The following SLC35F4 variants were observed in gnomAD, a reference collection of about 807,000 sequenced individuals.
The protein encoded by SLC35F4 is solute carrier family 35 member F4, also known as chromosome 14 open reading frame 36.
In SLC35F4, 24 loss-of-function variants were observed where a neutral mutation model predicts 44.2. The observed-to-expected ratio is 0.54, with a 90% confidence interval of 0.39 to 0.76. The LOEUF (loss-of-function observed/expected upper bound fraction) is 0.76. Among genes scored for constraint, SLC35F4 ranks in the 30% least tolerant of loss-of-function variants. The pLI, the probability that SLC35F4 is intolerant of heterozygous loss-of-function variation, is 0.00. For missense variants in SLC35F4, 562 were observed against 586.1 expected (o/e 0.96, Z 0.42); for synonymous variants, 238 against 223.6 (o/e 1.06, Z -0.57).
chr14:57,657,822 T>C (rs1011261717), intron 1 of SLC35F4, among the ~76,000 whole-genome samples: 3 of 152,150 alleles, frequency 2.0e-5, no homozygotes, highest in Non-Finnish European at 2.9e-5. Context: ...AAACCTCGGA[T>C]TGGGAAGGTG....
intron 1 of SLC35F4, among the ~76,000 whole-genome samples, chr14:57,964,989 A>ATATATAT (rs1351434287): frequency 4.2e-4 from 54 of 127,884 alleles, no homozygotes; most frequent in Admixed American, 3.5e-3. Context: ...AAAAAAAAAA[A>ATATATAT]AAATATATAT....
At chr14:57,932,775 G>T (rs1254175511) in intron 1 of SLC35F4, among the ~76,000 whole-genome samples, 1 of 152,096 alleles carries the variant, frequency 6.6e-6, no homozygotes, top group Non-Finnish European at 1.5e-5. Flanking sequence ...CTTGAATCCA[G>T]GGGGCAGAGG....
intron 1 of SLC35F4, among the ~76,000 whole-genome samples, chr14:57,841,303 G>C (rs774397751): frequency 6.6e-6 from 1 of 152,136 alleles, no homozygotes; most frequent in Non-Finnish European, 1.5e-5. Flanking sequence ...GTAGAGACCA[G>C]GCAAAAGGGG....
chr14:57,607,935 T>A lies in SLC35F4; in HGVS notation c.104-13811A>T, dbSNP rs556149992. 4.6e-5 allele frequency among the ~76,000 whole-genome samples: 7 copies of A among 152,296 alleles called. No homozygotes were observed. In the East Asian group the frequency reaches 1.2e-3, roughly 25 times the overall value. On this transcript the variant is annotated intron_variant, in intron 1 of 7. Coordinates refer to ENST00000556826, the MANE Select transcript of SLC35F4 (RefSeq NM_001306087.2). Reference sequence around the variant, plus strand: ...GTGAAAGAGGGGTCAAGAATAAGCATCAGTTTCTGTCGTGGACAACTGAAT... The same window carrying A: ...GTGAAAGAGGGGTCAAGAATAAGCAACAGTTTCTGTCGTGGACAACTGAAT...
intron 4 of SLC35F4, among the ~76,000 whole-genome samples, chr14:57,573,898 G>A (rs1006878657): frequency 2.6e-5 from 4 of 152,234 alleles, no homozygotes; most frequent in South Asian, 4.2e-4. Context: ...TAAACAAGCG[G>A]TTACTTGAAG....
intron 4 of SLC35F4, among the ~76,000 whole-genome samples, chr14:57,580,191 A>T (rs190883527): frequency 6.6e-6 from 1 of 152,232 alleles, no homozygotes; most frequent in Non-Finnish European, 1.5e-5. Flanking sequence ...CCAAGATACA[A>T]TCAGAATTGT....
chr14:57,621,114 TGTGA>T (rs2072155144), intron 1 of SLC35F4, among the ~76,000 whole-genome samples: 1 of 149,806 alleles, frequency 6.7e-6, no homozygotes, highest in Non-Finnish European at 1.5e-5. Flanking sequence ...TTACAAGGGA[TGTGA>T]AGGACCTCTT....
intron 1 of SLC35F4, among the ~76,000 whole-genome samples, chr14:57,668,894 G>A (rs1347228861): frequency 6.6e-6 from 1 of 151,970 alleles, no homozygotes; most frequent in Non-Finnish European, 1.5e-5. Context: ...GATGGGGATG[G>A]CATTGAATCT....
Position 57,865,993 on chromosome 14 carries a change from G to A in SLC35F4, c.-168C>T. On this transcript the variant is annotated 5_prime_UTR_variant, in exon 1 of 8. Coordinates refer to ENST00000556826, the MANE Select transcript of SLC35F4 (RefSeq NM_001306087.2). The stretch of plus-strand genomic sequence containing the variant: ...GCAGCACCGGCTCCGCATCACAGCG[G>A]CGGCGGCGGCGGCGGCGGCGGAGCG... 1 of 350,066 alleles carries A rather than the reference G, an allele frequency of 2.9e-6. No homozygotes were observed. Among genetic ancestry groups the A allele is most frequent in the African/African-American group, 2.2e-5 (1 of 45,736 alleles). 21.7% of individuals were successfully genotyped at this position (350,066 alleles called of 1,614,324 possible). A position where few individuals can be genotyped will look rare whatever the true frequency, so the allele number is the denominator to read the frequency against.
At position 57,588,750 on chromosome 14, in the gene SLC35F4, C is replaced by G. The variant is rs112393407; in HGVS notation, c.587+466G>C. 1.7e-3 allele frequency among the ~76,000 whole-genome samples: 253 copies of G among 152,296 alleles called. 1 individual carries two copies. The highest frequency in any genetic ancestry group is 5.6e-3 in the African/African-American group (233 of 41,564). Reference sequence around the variant, plus strand: ...TGTCATCTGCTAGGCATCTCAGTGTCAGGAATATTGAGCAAATGTTTGTGT... The same window carrying G: ...TGTCATCTGCTAGGCATCTCAGTGTGAGGAATATTGAGCAAATGTTTGTGT... On this transcript the variant is annotated intron_variant, in intron 3 of 7. Coordinates refer to ENST00000556826, the MANE Select transcript of SLC35F4 (RefSeq NM_001306087.2).
chr14:57,592,754 C>T (rs375346892), intron 2 of SLC35F4, among the ~76,000 whole-genome samples: 9 of 152,282 alleles, frequency 5.9e-5, no homozygotes, highest in African/African-American at 2.2e-4. Context: ...CATCTCCTCT[C>T]TTCCTCTGTT....
chr14:57,768,775 C>T (rs565721573), intron 1 of SLC35F4, among the ~76,000 whole-genome samples: 17 of 151,658 alleles, frequency 1.1e-4, no homozygotes, highest in East Asian at 3.9e-4. Flanking sequence ...CTTTCTGAGA[C>T]GAAGTCTTGC....
chr14:57,610,191 C>G (rs184857221), intron 1 of SLC35F4, among the ~76,000 whole-genome samples: 39 of 152,230 alleles, frequency 2.6e-4, no homozygotes, highest in Admixed American at 2.6e-3. Context: ...AAGTTTCTGC[C>G]TCAGTTCACG....
intron 1 of SLC35F4, among the ~76,000 whole-genome samples, chr14:57,882,283 C>A (rs1888552201): frequency 6.6e-6 from 1 of 152,138 alleles, no homozygotes; most frequent in South Asian, 2.1e-4. Flanking sequence ...TGGGGCAGGG[C>A]AGCCACTCCA....
chr14:57,754,117 T>TG (rs2076945287), intron 1 of SLC35F4, among the ~76,000 whole-genome samples: 1 of 147,954 alleles, frequency 6.8e-6, no homozygotes, highest in African/African-American at 2.5e-5. Flanking sequence ...TTTTTTTTTT[T>TG]TTTTGAGATG....
intron 1 of SLC35F4, among the ~76,000 whole-genome samples, chr14:57,664,416 A>C (rs1207158486): frequency 6.6e-6 from 1 of 151,848 alleles, no homozygotes; most frequent in Non-Finnish European, 1.5e-5. Context: ...TATTTATTTA[A>C]TTTTATTTTT....
intron 1 of SLC35F4, among the ~76,000 whole-genome samples, chr14:57,683,981 G>T (rs571225935): frequency 6.6e-6 from 1 of 152,178 alleles, no homozygotes; most frequent in African/African-American, 2.4e-5. Flanking sequence ...AGGTGATGCT[G>T]GTGGGAGGCT....
At chr14:57,847,907 T>G (rs556136666) in intron 1 of SLC35F4, among the ~76,000 whole-genome samples, 107 of 152,346 alleles carry the variant, frequency 7.0e-4, no homozygotes, top group African/African-American at 2.5e-3. Context: ...ATCTGAAAGA[T>G]GACAGATTGA....
At chr14:57,880,697 T>C (rs1391318841) in intron 1 of SLC35F4, among the ~76,000 whole-genome samples, 6 of 152,216 alleles carry the variant, frequency 3.9e-5, no homozygotes, top group East Asian at 3.8e-4. Context: ...GTGCTCAGAA[T>C]GTATCCAGGA....
Sources: allele counts gnomAD v4.1 joint callset (sites outside exome capture counted in the v4.1 genomes callset), GRCh38; gene constraint gnomAD v4.1.1; transcripts MANE v1.5; gene names NCBI Gene and HGNC (gene_info 2026-07-23, HGNC 2026-07-21).